Variants in RWDD4 observed in about 807,000 individuals in gnomAD.
The protein encoded by RWDD4 is RWD domain containing 4.
Under a neutral mutation model 30.0 loss-of-function variants are expected in RWDD4, and 16 were observed. The ratio of observed to expected loss-of-function variants is 0.53; its 90% CI spans 0.36 to 0.81. RWDD4 has a LOEUF of 0.81. RWDD4 is among the 30% of genes least tolerant of loss of function. The pLI is 0.00. For synonymous variants in RWDD4, 45 were observed against 72.1 expected (o/e 0.62, Z 1.90); for missense variants, 170 against 223.9 (o/e 0.76, Z 1.54).
intron 2 of RWDD4, among the ~76,000 whole-genome samples, chr4:183,653,125 C>G (rs1190197915): frequency 1.3e-5 from 2 of 152,186 alleles, no homozygotes; most frequent in African/African-American, 4.8e-5. Context: ...GGTAAGAAAA[C>G]TACAGAGGTG....
chr4:183,648,185 A>G (rs1055934128), intron 5 of RWDD4, among the ~76,000 whole-genome samples: 13 of 130,132 alleles, frequency 1.0e-4, no homozygotes, highest in African/African-American at 4.4e-4. Context: ...CGGAGGTTGC[A>G]GTGATCGCGC....
rs1187352667 is a variant in RWDD4, at chr4:183,639,702, A to G, written c.*1734T>C. 6.6e-6 allele frequency: 1 copy of G among 152,650 alleles called. No individual in the cohort carries two copies. Among genetic ancestry groups the G allele is most frequent in the Non-Finnish European group, 1.5e-5 (1 of 68,042 alleles). 9.5% of individuals were successfully genotyped at this position (152,650 alleles called of 1,614,324 possible). The stretch of plus-strand genomic sequence containing the variant: ...ACTCCACAAAATTTTAAGTAAACAG[A>G]CATTGAGAAAATATACTGGGAGTGT... On this transcript the variant is annotated 3_prime_UTR_variant, in exon 8 of 8. Transcript: ENST00000326397.
chr4:183,648,771 T>C (rs1224501007), intron 5 of RWDD4, among the ~76,000 whole-genome samples: 1 of 152,214 alleles, frequency 6.6e-6, no homozygotes, highest in African/African-American at 2.4e-5. Flanking sequence ...GACTCATTTA[T>C]AGTTACTTTG....
chr4:183,658,300 A>C (rs189787312), intron 1 of RWDD4, among the ~76,000 whole-genome samples: 2 of 152,290 alleles, frequency 1.3e-5, no homozygotes. Context: ...CACCTATCAA[A>C]GTTAGAAGGT....
chr4:183,647,425 C>T (rs922156035), intron 5 of RWDD4, among the ~76,000 whole-genome samples: 4 of 152,142 alleles, frequency 2.6e-5, no homozygotes, highest in Non-Finnish European at 4.4e-5. Flanking sequence ...CAAGAAGAAT[C>T]GTATCCCCCT....
intron 4 of RWDD4, among the ~76,000 whole-genome samples, chr4:183,650,443 T>C (rs183721726): frequency 4.6e-5 from 7 of 152,354 alleles, no homozygotes; most frequent in Admixed American, 1.3e-4. Flanking sequence ...CAAAGTCTTT[T>C]AGTGCATGAC....
Position 183,639,677 on chromosome 4 carries a change from A to T in RWDD4, c.*1759T>A, listed in dbSNP as rs1461530717. The T allele has an allele frequency of 6.6e-6, 1 of 152,614 alleles. No individual in the cohort carries two copies. The allele number at this position is 152,614 out of a possible 1,614,324, so 9.5% of individuals were successfully genotyped here. A position where few individuals can be genotyped will look rare whatever the true frequency, so the allele number is the denominator to read the frequency against. On this transcript the variant is annotated 3_prime_UTR_variant, in exon 8 of 8. Transcript: ENST00000326397. Reference sequence around the variant, plus strand: ...GACTTTATTGCTTATTAATTATGTCACTCCACAAAATTTTAAGTAAACAGA... The same window carrying T: ...GACTTTATTGCTTATTAATTATGTCTCTCCACAAAATTTTAAGTAAACAGA...
chr4:183,657,556 G>A (rs1734226141), intron 1 of RWDD4, among the ~76,000 whole-genome samples: 1 of 152,196 alleles, frequency 6.6e-6, no homozygotes, highest in Non-Finnish European at 1.5e-5. Flanking sequence ...ATACCTAAAT[G>A]TAGAAGTTGA....
intron 7 of RWDD4, 23 bp downstream of exon 7, chr4:183,646,328 A>C: frequency 2.2e-6 from 2 of 917,216 alleles, no homozygotes; most frequent in Non-Finnish European, 3.6e-6. Flanking sequence ...GAAGAATGTA[A>C]AAGGTATTTC....
chr4:183,656,071 T>C, intron 1 of RWDD4, 110 bp from the exon 2 acceptor site: 1 of 691,182 alleles, frequency 1.4e-6, no homozygotes, highest in Non-Finnish European at 2.5e-6. Flanking sequence ...CTTGACTAAC[T>C]TATATAACCT....
intron 2 of RWDD4, among the ~76,000 whole-genome samples, chr4:183,654,660 G>A (rs1285487849): frequency 2.0e-5 from 3 of 152,152 alleles, no homozygotes; most frequent in Non-Finnish European, 4.4e-5. Flanking sequence ...CCTCCCATTT[G>A]CTAAGGAGAG....
chr4:183,657,148 G>A (rs1003452245), intron 1 of RWDD4, among the ~76,000 whole-genome samples: 26 of 152,200 alleles, frequency 1.7e-4, no homozygotes, highest in Non-Finnish European at 4.4e-5. Flanking sequence ...ACCCTTCTTA[G>A]ATAGGGAAAC....
At chr4:183,651,824 A>G (rs1391606772) in intron 2 of RWDD4, among the ~76,000 whole-genome samples, 1 of 152,256 alleles carries the variant, frequency 6.6e-6, no homozygotes, top group African/African-American at 2.4e-5. Context: ...GATAAGGGAC[A>G]GGAATGTCTT....
chr4:183,641,606 T>C, intron 7 of RWDD4, 138 bp from the exon 8 acceptor site: 1 of 689,162 alleles, frequency 1.5e-6, no homozygotes, highest in Non-Finnish European at 2.6e-6. Flanking sequence ...ATGTAGCTAC[T>C]TTTCAACTTC....
chr4:183,655,407 G>A (rs572296385), intron 2 of RWDD4, among the ~76,000 whole-genome samples: 5 of 150,990 alleles, frequency 3.3e-5, no homozygotes, highest in Admixed American at 6.6e-5. Context: ...TCAGCCTCCC[G>A]AGTAGCTGGG....
At position 183,639,740 on chromosome 4, in the gene RWDD4, G is replaced by A. The variant is rs1024852593; in HGVS notation, c.*1696C>T. The stretch of plus-strand genomic sequence containing the variant: ...ATACTGGGAGTGTTAAACAGATGAC[G>A]GCAATATTGATGAGGCTGTTCAAGT... On this transcript the variant is annotated 3_prime_UTR_variant, in exon 8 of 8. Transcript: ENST00000326397. The A allele has an allele frequency of 7.2e-5, 11 of 152,472 alleles. No individual in the cohort carries two copies. Among genetic ancestry groups the A allele is most frequent in the Admixed American group, 2.0e-4 (3 of 15,266 alleles). The allele number at this position is 152,472 out of a possible 1,614,324, so 9.4% of individuals were successfully genotyped here.
chr4:183,646,315 AAAG>A (rs1561009968), intron 7 of RWDD4, 33 bp downstream of exon 7: 4 of 880,442 alleles, frequency 4.5e-6, no homozygotes, highest in East Asian at 4.8e-5. Flanking sequence ...AGTGCAGGGA[AAAG>A]AAGAATGTAA....
chr4:183,645,273 T>C (rs140613707), intron 7 of RWDD4, among the ~76,000 whole-genome samples: 5 of 152,342 alleles, frequency 3.3e-5, no homozygotes, highest in African/African-American at 1.2e-4. Flanking sequence ...AATGCAAAAT[T>C]TATTTCGTGA....
At chr4:183,642,808 C>T (rs1733885427) in intron 7 of RWDD4, among the ~76,000 whole-genome samples, 1 of 151,892 alleles carries the variant, frequency 6.6e-6, no homozygotes, top group African/African-American at 2.4e-5. Flanking sequence ...CCTGTAATCC[C>T]AGCACTTTGG....
Sources: gnomAD v4.1 joint callset for allele counts (sites outside exome capture counted in the v4.1 genomes callset) on GRCh38, gnomAD v4.1.1 for gene constraint, MANE v1.5 for transcripts, NCBI Gene and HGNC (gene_info 2026-07-23, HGNC 2026-07-21) for gene names.